Variants in TTC28 observed in about 807,000 individuals in gnomAD.
TTC28 encodes the protein tetratricopeptide repeat domain 28, also known as tetratricopeptide repeat protein 28.
A neutral mutation model predicts 198.0 loss-of-function variants in TTC28; 61 were observed. The ratio of observed to expected loss-of-function variants is 0.31; its 90% CI spans 0.25 to 0.38. The LOEUF (loss-of-function observed/expected upper bound fraction) is 0.38, where lower values mean the gene tolerates loss of function less well. TTC28 is among the 10% of genes least tolerant of loss of function. The pLI, the probability that TTC28 is intolerant of heterozygous loss-of-function variation, is 1.00. For missense variants in TTC28, 2,678 were observed against 3,164.0 expected (o/e 0.85, Z 3.69); for synonymous variants, 1,171 against 1,297.8 (o/e 0.90, Z 2.10).
intron 5 of TTC28, among the ~76,000 whole-genome samples, chr22:28,245,691 A>T (rs1200708887): frequency 6.6e-6 from 1 of 152,170 alleles, no homozygotes; most frequent in East Asian, 1.9e-4. Flanking sequence ...AGTCTTTCTC[A>T]TTGGCACTTT....
chr22:28,385,790 T>A (rs1346273677), intron 2 of TTC28, among the ~76,000 whole-genome samples: 1 of 152,164 alleles, frequency 6.6e-6, no homozygotes, highest in African/African-American at 2.4e-5. Flanking sequence ...ACTTTATCTT[T>A]CACTAAATAT....
At chr22:28,281,472 C>G (rs1057009789) in intron 5 of TTC28, among the ~76,000 whole-genome samples, 1 of 152,030 alleles carries the variant, frequency 6.6e-6, no homozygotes, top group African/African-American at 2.4e-5. Flanking sequence ...GATTTCCTAT[C>G]CACTCTTTAT....
At chr22:28,621,394 A>T in intron 2 of TTC28, among the ~76,000 whole-genome samples, 1 of 152,096 alleles carries the variant, frequency 6.6e-6, no homozygotes, top group East Asian at 1.9e-4. Context: ...AATAGAAACA[A>T]ACTGTGTAAG....
chr22:28,340,353 C>T (rs1404657547), intron 2 of TTC28, among the ~76,000 whole-genome samples: 1 of 151,944 alleles, frequency 6.6e-6, no homozygotes, highest in Non-Finnish European at 1.5e-5. Flanking sequence ...CTAAGGCATA[C>T]CAAACGTCTC....
chr22:28,269,497 T>G (rs1035220484), intron 5 of TTC28, among the ~76,000 whole-genome samples: 3 of 152,172 alleles, frequency 2.0e-5, no homozygotes, highest in Admixed American at 6.6e-5. Context: ...AATGAGTTTT[T>G]GACACCCAGC....
intron 9 of TTC28, 29 bp downstream of exon 9, chr22:28,101,142 A>T (rs747762921): frequency 6.6e-7 from 1 of 1,509,912 alleles, no homozygotes; most frequent in African/African-American, 1.4e-5. Flanking sequence ...GGAAACAAAA[A>T]ATCCACTTCA....
intron 6 of TTC28, among the ~76,000 whole-genome samples, chr22:28,116,191 A>G (rs1362891458): frequency 6.6e-6 from 1 of 152,090 alleles, no homozygotes; most frequent in African/African-American, 2.4e-5. Context: ...AGCAGTGACG[A>G]GCCCACTGGA....
At chr22:28,226,392 T>C (rs1014297052) in intron 5 of TTC28, among the ~76,000 whole-genome samples, 26 of 152,242 alleles carry the variant, frequency 1.7e-4, no homozygotes, top group African/African-American at 5.3e-4. Context: ...CTAAATACTA[T>C]TGATGTTGAG....
At chr22:28,363,699 A>G (rs2046195868) in intron 2 of TTC28, among the ~76,000 whole-genome samples, 1 of 152,204 alleles carries the variant, frequency 6.6e-6, no homozygotes, top group South Asian at 2.1e-4. Context: ...AGAGCTGCCC[A>G]AGATTATGGG....
intron 1 of TTC28, among the ~76,000 whole-genome samples, chr22:28,656,195 G>C (rs1033165617): frequency 1.3e-5 from 2 of 152,174 alleles, no homozygotes; most frequent in Non-Finnish European, 2.9e-5. Context: ...AGCTGTGCTG[G>C]TTTTTCTAAT....
chr22:28,090,437 A>G (rs1280226076), intron 12 of TTC28, among the ~76,000 whole-genome samples: 1 of 152,168 alleles, frequency 6.6e-6, no homozygotes, highest in African/African-American at 2.4e-5. Flanking sequence ...TTCTGAATAG[A>G]TATAACATAA....
chr22:28,365,287 A>T (rs985261007), intron 2 of TTC28, among the ~76,000 whole-genome samples: 2 of 152,254 alleles, frequency 1.3e-5, no homozygotes, highest in Non-Finnish European at 1.5e-5. Context: ...CAGTGTAAAC[A>T]TAACTTTTAT....
chr22:28,116,226 T>G (rs1415737487), intron 6 of TTC28, among the ~76,000 whole-genome samples: 1 of 152,126 alleles, frequency 6.6e-6, no homozygotes, highest in Non-Finnish European at 1.5e-5. Context: ...ACTGCCTTCA[T>G]GCATAGCCAT....
chr22:27,998,886 A>G lies in TTC28; in HGVS notation c.4773T>C (p.Asp1591=), dbSNP rs1937600351. ...ESLRVQDDAS[D]GESISDCPPL... is the part of the protein sequence containing the mutation. ...GCGGGCAGTCCGAGATGCTCTCCCC[A>G]TCACTGGCATCGTCCTGCACCCGCA... The change falls in exon 16 of 23, where the codon GAT becomes GAC. Residue 1591 remains aspartate (D), a synonymous_variant. Transcript: ENST00000397906. The G allele has an allele frequency of 1.3e-6, 2 of 1,550,340 alleles. No homozygotes were observed. Among genetic ancestry groups the G allele is most frequent in the East Asian group, 2.4e-5 (1 of 40,910 alleles).
chr22:28,558,892 G>A (rs2049826656), intron 2 of TTC28, among the ~76,000 whole-genome samples: 1 of 151,584 alleles, frequency 6.6e-6, no homozygotes, highest in Non-Finnish European at 1.5e-5. Flanking sequence ...AAAATTAGCT[G>A]GGTATGGTGG....
At chr22:28,093,507 T>TA (rs1569134817) in intron 12 of TTC28, among the ~76,000 whole-genome samples, 1 of 152,198 alleles carries the variant, frequency 6.6e-6, no homozygotes, top group Non-Finnish European at 1.5e-5. Context: ...TTGTGGAAAT[T>TA]ATTTTTTTCA....
At chr22:28,304,813 T>C (rs902707178) in intron 3 of TTC28, among the ~76,000 whole-genome samples, 1 of 152,086 alleles carries the variant, frequency 6.6e-6, no homozygotes, top group African/African-American at 2.4e-5. Context: ...AAATGTTCCA[T>C]GTAAATTCCC....
intron 1 of TTC28, among the ~76,000 whole-genome samples, chr22:28,653,353 A>G (rs1252812768): frequency 6.6e-6 from 1 of 151,994 alleles, no homozygotes; most frequent in Non-Finnish European, 1.5e-5. Context: ...AAAATACAAA[A>G]AATTGCCAGG....
intron 2 of TTC28, among the ~76,000 whole-genome samples, chr22:28,331,217 T>G (rs534611494): frequency 7.9e-5 from 12 of 152,164 alleles, no homozygotes; most frequent in Non-Finnish European, 1.8e-4. Flanking sequence ...AGGACTTGCC[T>G]AAGCTAAGAG....
Sources: gnomAD v4.1 joint callset for allele counts (sites outside exome capture counted in the v4.1 genomes callset) on GRCh38, gnomAD v4.1.1 for gene constraint, MANE v1.5 for transcripts, NCBI Gene and HGNC (gene_info 2026-07-23, HGNC 2026-07-21) for gene names.